SCN1B: variants seen among roughly 807,000 people sequenced by gnomAD.
SCN1B encodes sodium voltage-gated channel beta subunit 1.
SCN1B carries 11 observed loss-of-function variants against 25.7 expected under a neutral mutation model. The ratio of observed to expected loss-of-function variants is 0.43; its 90% CI spans 0.27 to 0.71. The LOEUF is 0.71. SCN1B is among the 30% of genes least tolerant of loss of function. The probability of loss-of-function intolerance (pLI) is 0.21; values close to 1 mark genes in which losing one functional copy is unlikely to be tolerated. For synonymous variants in SCN1B, 119 were observed against 117.5 expected, an observed-to-expected ratio of 1.01 and a Z score of -0.08; for missense variants, 224 against 291.5, an observed-to-expected ratio of 0.77 and a Z score of 1.69.
chr19:35,039,480 C>A, intron 4 of SCN1B, 155 bp from the exon 5 acceptor site: 2 of 980,628 alleles, frequency 2.0e-6, no homozygotes, highest in Non-Finnish European at 1.6e-6. Context: ...CAGCCAGATT[C>A]CTCAAAGACC....
rs753867968 is a variant in SCN1B, at chr19:35,039,233, A to G, written c.565A>G (p.Thr189Ala). 3.1e-6 allele frequency: 5 copies of G among 1,613,814 alleles called. No individual in the cohort carries two copies. Among genetic ancestry groups the G allele is most frequent in the Non-Finnish European group, 4.2e-6 (5 of 1,180,042 alleles). Residue 189 changes from threonine (T) to alanine (A), a missense_variant, in exon 4 of 6, where the codon ACG becomes GCG. This residue lies in a region of SCN1B where 52 missense variants were observed against 50.8 expected (regional missense o/e 1.02). Coordinates refer to ENST00000262631, the MANE Select transcript of SCN1B (RefSeq NM_001037.5). ...CTGCTACAAGAAGATCGCTGCCGCC[A>G]CGGAGACTGCTGCACAGGAGAATGC... Reference protein sequence around the residue: ...IYCYKKIAAATETAAQENASE... With the variant: ...IYCYKKIAAAAETAAQENASE...
chr19:35,039,506 A>G (rs1225792259), intron 4 of SCN1B, 129 bp from the exon 5 acceptor site: 4 of 1,034,330 alleles, frequency 3.9e-6, no homozygotes, highest in Non-Finnish European at 6.0e-6. Flanking sequence ...GAGTCCACCC[A>G]TAGACTCCTT....
At chr19:35,039,002 T>C in intron 3 of SCN1B, 115 bp from the exon 4 acceptor site, 1 of 1,241,218 alleles carries the variant, frequency 8.1e-7, no homozygotes. Flanking sequence ...TCACAGTGCA[T>C]ACACCAGGCC....
intron 4 of SCN1B, 40 bp from the exon 5 acceptor site, chr19:35,039,595 T>C: frequency 2.5e-6 from 4 of 1,609,192 alleles, no homozygotes; most frequent in Non-Finnish European, 2.6e-6. Flanking sequence ...TGGGTCGGTC[T>C]GATGATGGGG....
chr19:35,036,644 G>A (rs1315053784), intron 3 of SCN1B: 1 of 151,948 alleles, frequency 6.6e-6, no homozygotes, highest in Non-Finnish European at 1.5e-5. Context: ...TGTTGGCCAG[G>A]CTGGTCTCGA....
intron 4 of SCN1B, 169 bp from the exon 5 acceptor site, chr19:35,039,466 C>G: frequency 1.0e-6 from 1 of 974,452 alleles, no homozygotes; most frequent in Non-Finnish European, 1.6e-6. Flanking sequence ...GGAGCCCAGG[C>G]TCCCAGCCAG....
At chr19:35,038,199 C>T (rs2064259937) in intron 3 of SCN1B, 1 of 152,198 alleles carries the variant, frequency 6.6e-6, no homozygotes, top group Non-Finnish European at 1.5e-5. Flanking sequence ...AAAATGGGAT[C>T]TCAGCCATCT....
intron 4 of SCN1B, 128 bp from the exon 5 acceptor site, chr19:35,039,507 T>C: frequency 9.5e-7 from 1 of 1,048,354 alleles, no homozygotes; most frequent in Non-Finnish European, 1.5e-6. Context: ...AGTCCACCCA[T>C]AGACTCCTTC....
In SCN1B at chr19:35,039,778, C is replaced by T. The variant is rs1442747292; in HGVS notation, c.*6-19C>T. The T allele has an allele frequency of 6.8e-7, 1 of 1,467,656 alleles. No homozygotes were observed. Among genetic ancestry groups the T allele is most frequent in the South Asian group, 1.2e-5 (1 of 86,540 alleles). 90.9% of individuals were successfully genotyped at this position (1,467,656 alleles called of 1,614,324 possible). A position where few individuals can be genotyped will look rare whatever the true frequency, so the allele number is the denominator to read the frequency against. On this transcript the variant is annotated intron_variant, in intron 5 of 5. Transcript: ENST00000262631. Reference sequence around the variant, plus strand: ...AAGTCCCCCAGGTCCCTAATTCCCCCTCTCTTGCTCCCCTTCAGGCCCTGG... The same window carrying T: ...AAGTCCCCCAGGTCCCTAATTCCCCTTCTCTTGCTCCCCTTCAGGCCCTGG...
chr19:35,033,703 G>T lies in SCN1B; in HGVS notation c.412G>T (p.Val138Phe), dbSNP rs72558029. Residue 138 changes from valine to phenylalanine, a missense_variant, in exon 3 of 6, where the codon GTC becomes TTC. By Grantham distance (50) the Val-to-Phe change is conservative. This residue lies in a region of SCN1B where 126 missense variants were observed against 204.9 expected (regional missense o/e 0.61). Coordinates refer to ENST00000262631, the MANE Select transcript of SCN1B (RefSeq NM_001037.5). ...FFENYEHNTS[V>F]VKKIHIEVVD... Reference sequence around the variant, plus strand: ...CGAAAACTACGAGCACAACACCAGCGTCGTCAAGAAGATCCACATTGAGGT... The same window carrying T: ...CGAAAACTACGAGCACAACACCAGCTTCGTCAAGAAGATCCACATTGAGGT... 3 of 1,614,154 alleles carry T rather than the reference G, an allele frequency of 1.9e-6. No homozygotes were observed. The highest frequency in any genetic ancestry group is 2.2e-5 in the South Asian group (2 of 91,066).
intron 4 of SCN1B, 100 bp from the exon 5 acceptor site, chr19:35,039,535 C>G (rs973432761): frequency 3.2e-5 from 38 of 1,200,566 alleles, no homozygotes; most frequent in African/African-American, 3.2e-4. Context: ...AACTAAGGAG[C>G]CCTGTGTACC....
In SCN1B at chr19:35,040,032, C is replaced by T. The variant is rs1387644804; in HGVS notation, c.*241C>T. Reference sequence around the variant, plus strand: ...CATGATGGGTAAAGCAATACTGCCGCTGCCCCCACCCTGCTTCTGCTGCCT... The same window carrying T: ...CATGATGGGTAAAGCAATACTGCCGTTGCCCCCACCCTGCTTCTGCTGCCT... On this transcript the variant is annotated 3_prime_UTR_variant, in exon 6 of 6. Coordinates refer to ENST00000262631, the MANE Select transcript of SCN1B (RefSeq NM_001037.5). 8.1e-6 allele frequency: 3 copies of T among 370,778 alleles called. No homozygotes were observed. Among genetic ancestry groups the T allele is most frequent in the African/African-American group, 4.2e-5 (2 of 47,958 alleles). The allele number at this position is 370,778 out of a possible 1,614,324, so 23.0% of individuals were successfully genotyped here. A position where few individuals can be genotyped will look rare whatever the true frequency, so the allele number is the denominator to read the frequency against.
At chr19:35,030,932 C>G (rs868220362) in intron 1 of SCN1B, 72 bp downstream of exon 1, 1 of 243,878 alleles carries the variant, frequency 4.1e-6, no homozygotes, top group South Asian at 1.5e-4. Context: ...GAGTGGCGCT[C>G]GGGACACGGG....
In SCN1B at chr19:35,039,674, C is replaced by G; in HGVS notation, c.630C>G (p.Asn210Lys). ...CCATCACCTCTGAAAGCAAAGAGAA[C>G]TGCACGGGCGTCCAGGTGGCCGAAT... ...YLAITSESKE[N>K]CTGVQVAE The change falls in exon 5 of 6, where the codon AAC becomes AAG. Residue 210 changes from asparagine to lysine, a missense_variant. Transcript: ENST00000262631. 1 of 1,614,224 alleles carries G rather than the reference C, an allele frequency of 6.2e-7. No individual in the cohort carries two copies. The highest frequency in any genetic ancestry group is 8.5e-7 in the Non-Finnish European group (1 of 1,180,026).
At chr19:35,036,473 T>G (rs1390197657) in intron 3 of SCN1B, 2 of 152,184 alleles carry the variant, frequency 1.3e-5, no homozygotes, top group Non-Finnish European at 2.9e-5. Flanking sequence ...TCTCGCTCTG[T>G]CACCCAGGCA....
At chr19:35,031,461 C>G (rs939714584) in intron 1 of SCN1B, 3 of 151,976 alleles carry the variant, frequency 2.0e-5, no homozygotes, top group African/African-American at 7.3e-5. Context: ...GAGGGAGATG[C>G]GGGTGCCCGT....
intron 3 of SCN1B, chr19:35,034,943 T>G (rs1324723863): frequency 1.3e-5 from 2 of 152,206 alleles, no homozygotes; most frequent in Non-Finnish European, 2.9e-5. Context: ...ATTAGCATTT[T>G]TACGTTTATT....
rs758958222 is a variant in SCN1B, at chr19:35,030,794, G to C, written c.-27G>C. The C allele has an allele frequency of 1.2e-4, 117 of 1,011,510 alleles. No homozygotes were observed. In the East Asian group the frequency reaches 3.1e-3, roughly 27 times the overall value. The allele number at this position is 1,011,510 out of a possible 1,614,324, so 62.7% of individuals were successfully genotyped here. A position where few individuals can be genotyped will look rare whatever the true frequency, so the allele number is the denominator to read the frequency against. On this transcript the variant is annotated 5_prime_UTR_variant, in exon 1 of 6. Transcript: ENST00000262631. ...CGCTATTAATACCGGCGGCCCGGGAGGGGGGCGCAGCACGCGCCGCGCAGC... is the reference window on the plus strand; with the variant it reads ...CGCTATTAATACCGGCGGCCCGGGACGGGGGCGCAGCACGCGCCGCGCAGC...
Position 35,032,745 on chromosome 19 carries a change from A to AGGCG in SCN1B, c.207+53_207+56dup, listed in dbSNP as rs774854443. 9.4e-6 allele frequency: 15 copies of AGGCG among 1,594,252 alleles called. No individual in the cohort carries two copies. The Admixed American group carries it at 2.3e-4, about 25-fold the overall frequency. On this transcript the variant is annotated intron_variant, in intron 2 of 5. Transcript: ENST00000262631. This position sits in a 1 kb window ranked among gnomAD's most constrained non-coding sequence, Gnocchi z 4.3. ...GGGAGGGCAGGGGTCCACGAGTGGG[A>AGGCG]GGCGGTGGGGCTGGATCTCAGGGAG...
Sources: allele counts gnomAD v4.1 joint callset, GRCh38; gene constraint gnomAD v4.1.1; regional missense constraint gnomAD v4.1.1; non-coding constraint Gnocchi (gnomAD v3.1); transcripts MANE v1.5; gene names NCBI Gene and HGNC (gene_info 2026-07-23, HGNC 2026-07-21).